Variants in CD109 observed in about 807,000 individuals in gnomAD.
The protein encoded by CD109 is CD109 molecule.
A neutral mutation model predicts 165.8 loss-of-function variants in CD109; 149 were observed. The observed-to-expected ratio is 0.90, with a 90% confidence interval of 0.79 to 1.03. CD109 has a LOEUF of 1.03. Among genes scored for constraint, CD109 ranks in the 50% least tolerant of loss-of-function variants. CD109 has a pLI of 0.00. For missense variants in CD109, 1,712 were observed against 1,677.8 expected (o/e 1.02, Z -0.36); for synonymous variants, 585 against 592.1 (o/e 0.99, Z 0.18).
chr6:73,704,898 G>C (rs898498307), intron 2 of CD109, among the ~76,000 whole-genome samples: 1 of 152,096 alleles, frequency 6.6e-6, no homozygotes, highest in African/African-American at 2.4e-5. Flanking sequence ...TTTGTAAATA[G>C]TGCTTCTTGT....
At chr6:73,760,991 G>T (rs150794014) in intron 7 of CD109, among the ~76,000 whole-genome samples, 93 of 150,004 alleles carry the variant, frequency 6.2e-4, no homozygotes, top group African/African-American at 2.1e-3. Context: ...TCCAGCCTGG[G>T]TGACAGAGTG....
chr6:73,735,182 G>A (rs1384229392), intron 4 of CD109, among the ~76,000 whole-genome samples: 1 of 152,194 alleles, frequency 6.6e-6, no homozygotes, highest in Admixed American at 6.5e-5. Context: ...TAAGGGCCTT[G>A]TAAACTAGGC....
chr6:73,761,356 T>A (rs1014739992), intron 7 of CD109, among the ~76,000 whole-genome samples: 2 of 152,160 alleles, frequency 1.3e-5, no homozygotes, highest in African/African-American at 2.4e-5. Context: ...CTTTAAAAAA[T>A]CTTTGGACAG....
Position 73,768,208 on chromosome 6 carries a change from G to C in CD109, c.1651G>C (p.Val551Leu), listed in dbSNP as rs1379627106. ...TATAAGTGATGTTCTAAAAATTCCTGTTCAGCTTGTTTTTAAAAATAAGGT... is the reference window on the plus strand; with the variant it reads ...TATAAGTGATGTTCTAAAAATTCCTCTTCAGCTTGTTTTTAAAAATAAGGT... ...EIISDVLKIP[V>L]QLVFKNKIKL... Residue 551 changes from valine to leucine, a missense_variant, in exon 14 of 33, where the codon GTT (valine) becomes CTT (leucine). By Grantham distance (32) the Val-to-Leu change is conservative (BLOSUM62 1). Coordinates refer to ENST00000287097, the MANE Select transcript of CD109 (RefSeq NM_133493.5). The C allele has an allele frequency of 1.3e-6, 2 of 1,579,446 alleles. No individual in the cohort carries two copies. The highest frequency in any genetic ancestry group is 1.7e-6 in the Non-Finnish European group (2 of 1,151,376).
At position 73,823,592 on chromosome 6, in the gene CD109, TTC is replaced by T. The variant is rs766976139; in HGVS notation, c.4299_4300del (p.Phe1433LeufsTer17). 280 of 1,613,542 alleles carry T rather than the reference TTC, an allele frequency of 1.7e-4. 1 individual carries two copies. The highest frequency in any genetic ancestry group is 1.7e-3 in the Middle Eastern group (10 of 5,776). On this transcript the variant is annotated frameshift_variant, in exon 33 of 33. Coordinates refer to ENST00000287097, the MANE Select transcript of CD109 (RefSeq NM_133493.5). LOFTEE classifies it low-confidence loss of function (END_TRUNC). ...TCATCACTCTTCAGTCATTTTTATTTTCTGTTTCAAGCTTCTGTACTTTATGG... is the reference window on the plus strand; with the variant it reads ...TCATCACTCTTCAGTCATTTTTATTTTGTTTCAAGCTTCTGTACTTTATGG... Reference protein sequence around the residue: ...SHHHSSVIFIFCFKLLYFMEL... With the variant: ...SHHHSSVIFIXCFKLLYFMEL...
At chr6:73,730,274 T>G (rs1003296484) in intron 3 of CD109, 70 bp from the exon 4 acceptor site, 1 of 988,476 alleles carries the variant, frequency 1.0e-6, no homozygotes, top group Non-Finnish European at 1.6e-6. Flanking sequence ...TTTTTTATTC[T>G]AACTTGCAAT....
intron 14 of CD109, 69 bp from the exon 15 acceptor site, chr6:73,771,359 TG>T: frequency 7.7e-7 from 1 of 1,292,812 alleles, no homozygotes; most frequent in Non-Finnish European, 1.1e-6. Context: ...TTTGGGCCAG[TG>T]GTCTGCTATT....
intron 10 of CD109, among the ~76,000 whole-genome samples, chr6:73,765,155 G>A (rs1162828773): frequency 6.6e-6 from 1 of 151,902 alleles, no homozygotes; most frequent in East Asian, 1.9e-4. Flanking sequence ...GATAAGAAGT[G>A]AGACAAGAAG....
At position 73,786,589 on chromosome 6, in the gene CD109, C is replaced by T. The variant is rs1283696001; in HGVS notation, c.2338-645C>T. Among the ~76,000 whole-genome samples, 4 of 151,912 alleles carry T rather than the reference C, an allele frequency of 2.6e-5. No homozygotes were observed. The South Asian group carries it at 8.3e-4, about 31-fold the overall frequency. ...GCAAATGACTTAATTGTAGTTTCCT[C>T]ATCTGTAAAATGGAAATGATAATTA... On this transcript the variant is annotated intron_variant, in intron 20 of 32. Transcript: ENST00000287097.
chr6:73,804,789 C>T (rs1407847252), intron 24 of CD109, among the ~76,000 whole-genome samples: 1 of 152,218 alleles, frequency 6.6e-6, no homozygotes, highest in Non-Finnish European at 1.5e-5. Flanking sequence ...TGGTAAATAT[C>T]TAGAACAGTC....
chr6:73,765,530 A>G (rs181410160), intron 10 of CD109, among the ~76,000 whole-genome samples: 139 of 152,284 alleles, frequency 9.1e-4, no homozygotes, highest in African/African-American at 3.2e-3. Context: ...AGAGAAGGGC[A>G]AGGATGGGAA....
At chr6:73,743,829 A>G (rs146425801) in intron 5 of CD109, among the ~76,000 whole-genome samples, 2 of 152,360 alleles carry the variant, frequency 1.3e-5, no homozygotes, top group African/African-American at 4.8e-5. Context: ...GTCTTTGCTT[A>G]TAAGAAGAAT....
intron 15 of CD109, among the ~76,000 whole-genome samples, chr6:73,778,166 G>A (rs1332399169): frequency 6.6e-6 from 1 of 152,104 alleles, no homozygotes; most frequent in Non-Finnish European, 1.5e-5. Context: ...TCTTTCTGTG[G>A]CAGTTGTGAA....
chr6:73,761,982 T>G (rs1019985984), intron 7 of CD109, among the ~76,000 whole-genome samples: 1 of 151,252 alleles, frequency 6.6e-6, no homozygotes, highest in Non-Finnish European at 1.5e-5. Flanking sequence ...TGAGACAGAG[T>G]CTTGCTGTCT....
At chr6:73,690,761 A>C in the CD109 span, among the ~76,000 whole-genome samples, 27 of 152,338 alleles carry the variant, frequency 1.8e-4, no homozygotes, top group South Asian at 5.4e-3. Flanking sequence ...CTTATGATGG[A>C]ATAATTAAAT....
At chr6:73,735,018 A>C (rs1033770238) in intron 4 of CD109, among the ~76,000 whole-genome samples, 2 of 152,220 alleles carry the variant, frequency 1.3e-5, no homozygotes, top group African/African-American at 4.8e-5. Context: ...GAGGCAAGAA[A>C]CTGAAACTGA....
Position 73,825,797 on chromosome 6 carries a change from G to A in CD109, c.*2164G>A, listed in dbSNP as rs1256677776. ...GTTTGAGACCAGCCTGGCCAATATG[G>A]TGAAACCCCGTCCCTACTAAAAATA... On this transcript the variant is annotated 3_prime_UTR_variant, in exon 33 of 33. Coordinates refer to ENST00000287097, the MANE Select transcript of CD109 (RefSeq NM_133493.5). 1 of 152,072 alleles carries A rather than the reference G, an allele frequency of 6.6e-6. No homozygotes were observed. The highest frequency in any genetic ancestry group is 1.5e-5 in the Non-Finnish European group (1 of 68,040). 9.4% of individuals were successfully genotyped at this position (152,072 alleles called of 1,614,324 possible). A position where few individuals can be genotyped will look rare whatever the true frequency, so the allele number is the denominator to read the frequency against.
At chr6:73,759,973 G>A (rs1329015512) in intron 7 of CD109, among the ~76,000 whole-genome samples, 1 of 151,834 alleles carries the variant, frequency 6.6e-6, no homozygotes, top group African/African-American at 2.4e-5. Flanking sequence ...CCAGATGAGG[G>A]GCTGTTTCTG....
At chr6:73,766,215 G>A in intron 11 of CD109, 61 bp downstream of exon 11, 7 of 1,323,798 alleles carry the variant, frequency 5.3e-6, no homozygotes, top group Non-Finnish European at 6.5e-6. Flanking sequence ...GTAATCTTGT[G>A]GTAGGCACTC....
Sources: allele counts gnomAD v4.1 joint callset (sites outside exome capture counted in the v4.1 genomes callset), GRCh38; gene constraint gnomAD v4.1.1; transcripts MANE v1.5; gene names NCBI Gene and HGNC (gene_info 2026-07-23, HGNC 2026-07-21).